The following DUSP16 variants were observed in gnomAD, a reference collection of about 807,000 sequenced individuals.
The protein encoded by DUSP16 is dual specificity phosphatase 16, also known as dual specificity protein phosphatase 16.
A neutral mutation model predicts 58.3 loss-of-function variants in DUSP16; 21 were observed. That is an observed-to-expected ratio of 0.36 (90% CI 0.26 to 0.52). DUSP16 has a LOEUF of 0.52. Among genes scored for constraint, DUSP16 ranks in the 20% least tolerant of loss-of-function variants. The pLI, the probability that DUSP16 is intolerant of heterozygous loss-of-function variation, is 0.94. For missense variants in DUSP16, 726 were observed against 819.0 expected (o/e 0.89, Z 1.39); for synonymous variants, 320 against 323.8 (o/e 0.99, Z 0.12).
At chr12:12,530,145 G>C (rs940706933) in intron 1 of DUSP16, among the ~76,000 whole-genome samples, 1 of 152,062 alleles carries the variant, frequency 6.6e-6, no homozygotes, top group African/African-American at 2.4e-5. Context: ...GTGTATAAGG[G>C]TTTTCCTTTC....
intron 1 of DUSP16, among the ~76,000 whole-genome samples, chr12:12,529,501 T>C (rs1184801352): frequency 6.6e-6 from 1 of 152,250 alleles, no homozygotes; most frequent in Non-Finnish European, 1.5e-5. Context: ...TGGTTAATTC[T>C]ACTAACAAGT....
intron 1 of DUSP16, among the ~76,000 whole-genome samples, chr12:12,546,113 ATC>A (rs1435056370): frequency 6.6e-6 from 1 of 152,250 alleles, no homozygotes; most frequent in African/African-American, 2.4e-5. Flanking sequence ...TAATGAAAAC[ATC>A]TGAGAGTTAT....
intron 3 of DUSP16, 111 bp from the exon 4 acceptor site, chr12:12,500,793 C>G: frequency 3.1e-6 from 3 of 952,916 alleles, no homozygotes; most frequent in Admixed American, 3.5e-5. Context: ...GTGGATATCA[C>G]TGCACACCTA....
At chr12:12,526,980 T>C (rs1259925930) in intron 1 of DUSP16, among the ~76,000 whole-genome samples, 1 of 152,132 alleles carries the variant, frequency 6.6e-6, no homozygotes, top group Non-Finnish European at 1.5e-5. Context: ...CACAACTCCA[T>C]TTTAAACATT....
chr12:12,556,447 C>A (rs1592217019), intron 1 of DUSP16, among the ~76,000 whole-genome samples: 1 of 151,722 alleles, frequency 6.6e-6, no homozygotes, highest in East Asian at 1.9e-4. Flanking sequence ...TGGCATGCAC[C>A]ACCTGTGGTC....
intron 1 of DUSP16, among the ~76,000 whole-genome samples, chr12:12,550,024 G>A (rs1944702942): frequency 1.3e-5 from 2 of 152,176 alleles, no homozygotes; most frequent in South Asian, 4.1e-4. Context: ...AGGCGCAGTG[G>A]CACTCTGGGA....
chr12:12,476,913 T>C lies in DUSP16; in HGVS notation c.1918A>G (p.Asn640Asp). The C allele has an allele frequency of 6.2e-7, 1 of 1,614,042 alleles. No homozygotes were observed. The highest frequency in any genetic ancestry group is 1.1e-5 in the South Asian group (1 of 91,084). Residue 640 changes from asparagine (N) to aspartate (D), a missense_variant, in exon 7 of 7, where the codon AAC becomes GAC. By Grantham distance (23) the Asn-to-Asp change is conservative. Coordinates refer to ENST00000298573, the MANE Select transcript of DUSP16 (RefSeq NM_030640.3). ...MEFGESIMSE[N>D]RSREELGKVG... is the part of the protein sequence containing the mutation. ...TTCCCCAGCTCTTCCCGTGACCTGTTCTCTGACATGATGCTCTCTCCAAAT... is the reference window on the plus strand; with the variant it reads ...TTCCCCAGCTCTTCCCGTGACCTGTCCTCTGACATGATGCTCTCTCCAAAT...
chr12:12,501,804 T>C (rs567749985), intron 3 of DUSP16, among the ~76,000 whole-genome samples: 4 of 152,066 alleles, frequency 2.6e-5, no homozygotes, highest in Non-Finnish European at 5.9e-5. Context: ...CCAGCCTGGC[T>C]AACATGGTGA....
At chr12:12,523,195 T>C (rs1385864634) in intron 1 of DUSP16, among the ~76,000 whole-genome samples, 2 of 152,196 alleles carry the variant, frequency 1.3e-5, no homozygotes, top group South Asian at 4.1e-4. Context: ...CCACAGTTTC[T>C]TCACCTACAA....
chr12:12,560,010 T>A (rs1349980667), intron 1 of DUSP16, among the ~76,000 whole-genome samples: 1 of 152,094 alleles, frequency 6.6e-6, no homozygotes, highest in Admixed American at 6.6e-5. Flanking sequence ...AAGACTCCAA[T>A]CCCCAATTTT....
intron 3 of DUSP16, among the ~76,000 whole-genome samples, chr12:12,505,635 C>T (rs976315097): frequency 6.6e-6 from 1 of 152,138 alleles, no homozygotes; most frequent in Non-Finnish European, 1.5e-5. Flanking sequence ...CCAGGCTGTT[C>T]GAGGTCCAGT....
At position 12,562,602 on chromosome 12, in the gene DUSP16, G is replaced by A. The variant is rs1449292050; in HGVS notation, c.-851C>T. ...GGGGTTGGGGGAAAGAGAAAGAGTC[G>A]CTGGTCAGGAAACTTCAAGCGCGGA... On this transcript the variant is annotated 5_prime_UTR_variant, in exon 1 of 7. Coordinates refer to ENST00000298573, the MANE Select transcript of DUSP16 (RefSeq NM_030640.3). Among the ~76,000 whole-genome samples the A allele has an allele frequency of 6.6e-6, 1 of 151,958 alleles. No homozygotes were observed. Among genetic ancestry groups the A allele is most frequent in the African/African-American group, 2.4e-5 (1 of 41,412 alleles).
intron 1 of DUSP16, among the ~76,000 whole-genome samples, chr12:12,552,876 G>T (rs1477983557): frequency 6.6e-6 from 1 of 152,124 alleles, no homozygotes; most frequent in Non-Finnish European, 1.5e-5. Context: ...TGCCTCCCGG[G>T]TTCAAGCGAT....
At chr12:12,508,866 C>CA (rs774988535) in intron 3 of DUSP16, among the ~76,000 whole-genome samples, 15 of 152,294 alleles carry the variant, frequency 9.8e-5, no homozygotes, top group Admixed American at 7.2e-4. Flanking sequence ...ATTTTCAAAG[C>CA]ACCAGCAGAC....
chr12:12,521,150 T>G lies in DUSP16; in HGVS notation c.-52A>C, dbSNP rs1390962046. 5 of 1,585,642 alleles carry G rather than the reference T, an allele frequency of 3.2e-6. No homozygotes were observed. The highest frequency in any genetic ancestry group is 1.7e-4 in the Middle Eastern group (1 of 6,032). ...CTCCTTCTTTAATTTGCCACGATGA[T>G]GTAATGGTGGTGTGCTCAAAGGCTC... is the stretch of plus-strand genomic sequence containing the variant. On this transcript the variant is annotated 5_prime_UTR_variant, in exon 2 of 7. Transcript: ENST00000298573.
At chr12:12,544,709 G>C (rs1055278156) in intron 1 of DUSP16, among the ~76,000 whole-genome samples, 1 of 152,132 alleles carries the variant, frequency 6.6e-6, no homozygotes, top group African/African-American at 2.4e-5. Context: ...AGCATTTTTT[G>C]ATGACGAATA....
intron 3 of DUSP16, among the ~76,000 whole-genome samples, chr12:12,515,224 C>T (rs1467854003): frequency 4.6e-5 from 7 of 151,388 alleles, no homozygotes. Flanking sequence ...TTTTTTTAGC[C>T]AAATAGGAAT....
At chr12:12,539,390 T>C (rs1944517188) in intron 1 of DUSP16, among the ~76,000 whole-genome samples, 1 of 152,062 alleles carries the variant, frequency 6.6e-6, no homozygotes, top group African/African-American at 2.4e-5. Context: ...CCAATTAGGG[T>C]TTAATAAGAC....
At chr12:12,497,996 CAAAA>C (rs1943854375) in intron 4 of DUSP16, among the ~76,000 whole-genome samples, 1 of 151,820 alleles carries the variant, frequency 6.6e-6, no homozygotes, top group Non-Finnish European at 1.5e-5. Context: ...CAAAACAAAA[CAAAA>C]CACTAATAAT....
Sources: gnomAD v4.1 joint callset for allele counts (sites outside exome capture counted in the v4.1 genomes callset) on GRCh38, gnomAD v4.1.1 for gene constraint, MANE v1.5 for transcripts, NCBI Gene and HGNC (gene_info 2026-07-23, HGNC 2026-07-21) for gene names.